CNKSR1: variants seen among roughly 807,000 people sequenced by gnomAD.
CNKSR1 encodes the protein connector enhancer of kinase suppressor of Ras 1, also known as CNK homolog protein 1.
In CNKSR1, 88 loss-of-function variants were observed where a neutral mutation model predicts 95.6. That is an observed-to-expected ratio of 0.92 (90% confidence interval 0.78 to 1.10). The LOEUF (loss-of-function observed/expected upper bound fraction) is 1.10, where lower values mean the gene tolerates loss of function less well. Ranked by LOEUF, CNKSR1 falls within the 50% of genes least tolerant of loss-of-function variation. CNKSR1 has a pLI of 0.00. For synonymous variants in CNKSR1, 355 were observed against 369.7 expected, an observed-to-expected ratio of 0.96 and a Z score of 0.46; for missense variants, 836 against 912.0, an observed-to-expected ratio of 0.92 and a Z score of 1.07.
At position 26,184,201 on chromosome 1, in the gene CNKSR1, T is replaced by G; in HGVS notation, c.927-13T>G. ...AGACCGTGGGCTCATCTCATCCCCC[T>G]TGCCCTCCCCAGGGCCCCATCTGAA... On this transcript the variant is annotated splice_polypyrimidine_tract_variant and intron_variant, in intron 10 of 20. Transcript: ENST00000361530. The G allele has an allele frequency of 6.2e-7, 1 of 1,612,554 alleles. No homozygotes were observed. The highest frequency in any genetic ancestry group is 8.5e-7 in the Non-Finnish European group (1 of 1,179,408).
intron 2 of CNKSR1, 30 bp from the exon 3 acceptor site, chr1:26,180,685 G>A: frequency 6.2e-7 from 1 of 1,614,018 alleles, no homozygotes. Flanking sequence ...GCTGCTGCCA[G>A]GGAGGTGACT....
chr1:26,188,190 C>T (rs2088789777), intron 16 of CNKSR1, 44 bp from the exon 17 acceptor site: 1 of 1,546,412 alleles, frequency 6.5e-7, no homozygotes, highest in African/African-American at 1.4e-5. Context: ...TACAAGAGGG[C>T]CCCAGTGGAT....
intron 14 of CNKSR1, among the ~76,000 whole-genome samples, chr1:26,186,710 A>G (rs776059469): frequency 1.1e-4 from 17 of 151,724 alleles, no homozygotes; most frequent in Non-Finnish European, 2.1e-4. Flanking sequence ...TCCTGACCTC[A>G]TGATCTGCCC....
chr1:26,188,889 G>C lies in CNKSR1; in HGVS notation c.1808G>C (p.Arg603Pro). Reference protein sequence around the residue: ...QEQWRSSFMRRNRDPQLNERV... With the variant: ...QEQWRSSFMRPNRDPQLNERV... ...CAGTGGCGGAGCTCTTTCATGCGGC[G>C]CAACCGAGACCCTCAGCTCAATGAG... Residue 603 changes from arginine (R) to proline (P), a missense_variant, in exon 20 of 21, where the codon CGC (arginine) becomes CCC (proline). Arg to Pro is a moderately radical substitution (Grantham distance 103, BLOSUM62 -2). Coordinates refer to ENST00000361530, the MANE Select transcript of CNKSR1 (RefSeq NM_006314.3). 6.2e-7 allele frequency: 1 copy of C among 1,613,592 alleles called. No individual in the cohort carries two copies. The highest frequency in any genetic ancestry group is 8.5e-7 in the Non-Finnish European group (1 of 1,179,934).
chr1:26,187,505 C>G, intron 16 of CNKSR1, 23 bp downstream of exon 16: 5 of 1,612,192 alleles, frequency 3.1e-6, no homozygotes, highest in Non-Finnish European at 3.4e-6. Flanking sequence ...TCCCTTAGCC[C>G]CTACTCTCAT....
In CNKSR1 at chr1:26,180,619, A is replaced by C; in HGVS notation, c.210+9A>C. ...AACAGCTCCAGGCCCTGGTGAGTGAATGCTGGTCACACTGGCTGCAGCTTC... is the reference window on the plus strand; with the variant it reads ...AACAGCTCCAGGCCCTGGTGAGTGACTGCTGGTCACACTGGCTGCAGCTTC... On this transcript the variant is annotated intron_variant, in intron 2 of 20. Coordinates refer to ENST00000361530, the MANE Select transcript of CNKSR1 (RefSeq NM_006314.3). 7 of 1,614,162 alleles carry C rather than the reference A, an allele frequency of 4.3e-6. No individual in the cohort carries two copies. The highest frequency in any genetic ancestry group is 5.9e-6 in the Non-Finnish European group (7 of 1,180,020).
rs766297413 is a variant in CNKSR1, at chr1:26,180,466, C to T, written c.66C>T (p.Ser22=). The change falls in exon 2 of 21, where the codon TCC becomes TCT. Residue 22 remains serine (S), a synonymous_variant. Coordinates refer to ENST00000361530, the MANE Select transcript of CNKSR1 (RefSeq NM_006314.3). Reference sequence around the variant, plus strand: ...CTCTCCCTCCAGGTCTTGACGACTCCCTGCAGGACTATCCCTTTGAGGACT... The same window carrying T: ...CTCTCCCTCCAGGTCTTGACGACTCTCTGCAGGACTATCCCTTTGAGGACT... The part of the protein sequence containing the change: ...VATWLRGLDD[S]LQDYPFEDWQ... 1.2e-6 allele frequency: 2 copies of T among 1,614,052 alleles called. No homozygotes were observed. Among genetic ancestry groups the T allele is most frequent in the East Asian group, 4.5e-5 (2 of 44,886 alleles).
chr1:26,180,980 T>G lies in CNKSR1; in HGVS notation c.392+84T>G, dbSNP rs1442704403. 2.6e-6 allele frequency: 4 copies of G among 1,553,854 alleles called. No individual in the cohort carries two copies. In the African/African-American group the frequency reaches 5.4e-5, roughly 21 times the overall value. On this transcript the variant is annotated intron_variant, in intron 3 of 20. Coordinates refer to ENST00000361530, the MANE Select transcript of CNKSR1 (RefSeq NM_006314.3). Reference sequence around the variant, plus strand: ...GTGGGAGAGAAAAACAGATCTTGGCTCTTGTTCAGATATGGTGAGCCAGGC... The same window carrying G: ...GTGGGAGAGAAAAACAGATCTTGGCGCTTGTTCAGATATGGTGAGCCAGGC...
At chr1:26,186,392 C>A (rs1171586062) in intron 14 of CNKSR1, among the ~76,000 whole-genome samples, 2 of 152,196 alleles carry the variant, frequency 1.3e-5, no homozygotes, top group Admixed American at 1.3e-4. Context: ...CCTCAGCCTC[C>A]CAGGTTCAAG....
In CNKSR1 at chr1:26,182,004, T is replaced by C. The variant is rs1311839847; in HGVS notation, c.477+63T>C. 9 of 1,442,486 alleles carry C rather than the reference T, an allele frequency of 6.2e-6. No individual in the cohort carries two copies. The African/African-American group carries it at 1.1e-4, about 18-fold the overall frequency. 89.4% of individuals were successfully genotyped at this position (1,442,486 alleles called of 1,614,324 possible). A position where few individuals can be genotyped will look rare whatever the true frequency, so the allele number is the denominator to read the frequency against. On this transcript the variant is annotated intron_variant, in intron 4 of 20. Coordinates refer to ENST00000361530, the MANE Select transcript of CNKSR1 (RefSeq NM_006314.3). Reference sequence around the variant, plus strand: ...GAGACCAAGCTGGGCTAGAGCTTTTTATAACCTGTGAATCAGCCCAGGATC... The same window carrying C: ...GAGACCAAGCTGGGCTAGAGCTTTTCATAACCTGTGAATCAGCCCAGGATC...
At position 26,188,508 on chromosome 1, in the gene CNKSR1, G is replaced by A. The variant is rs1335039147; in HGVS notation, c.1590+5G>A. On this transcript the variant is annotated splice_donor_5th_base_variant and intron_variant, in intron 18 of 20. Transcript: ENST00000361530. ...GCTGGGTCCCACTCAGCCTCGGTGA[G>A]TGGGGGGCTGCCGGGGGTAGGAGGT... 6.2e-7 allele frequency: 1 copy of A among 1,602,606 alleles called. No homozygotes were observed. The highest frequency in any genetic ancestry group is 1.3e-5 in the African/African-American group (1 of 74,772).
At chr1:26,182,034 A>G (rs746627686) in intron 4 of CNKSR1, 93 bp downstream of exon 4, 11 of 1,216,238 alleles carry the variant, frequency 9.0e-6, no homozygotes, top group Non-Finnish European at 1.3e-5. Flanking sequence ...AGGATCGAGT[A>G]TGAGGATTGA....
chr1:26,182,180 G>T (rs1310078396), intron 4 of CNKSR1, 181 bp from the exon 5 acceptor site: 4 of 718,020 alleles, frequency 5.6e-6, no homozygotes, highest in East Asian at 5.3e-5. Flanking sequence ...ACTTCTGGGG[G>T]CCTGGTATCA....
chr1:26,178,202 C>T (rs1167265928), intron 1 of CNKSR1, among the ~76,000 whole-genome samples: 1 of 152,154 alleles, frequency 6.6e-6, no homozygotes, highest in African/African-American at 2.4e-5. Flanking sequence ...CCTGACAGGC[C>T]CACACCCACT....
chr1:26,189,589 C>T lies in CNKSR1; in HGVS notation c.*41C>T, dbSNP rs757213488. 6 of 971,916 alleles carry T rather than the reference C, an allele frequency of 6.2e-6. No homozygotes were observed. In the East Asian group the frequency reaches 7.1e-5, roughly 12 times the overall value. 60.2% of individuals were successfully genotyped at this position (971,916 alleles called of 1,614,324 possible). ...TAGCTCCTGACCTTTGACCCGAGGG[C>T]CACCTCAACCCCAGCTTCTGACGTG... On this transcript the variant is annotated 3_prime_UTR_variant, in exon 21 of 21. Transcript: ENST00000361530.
intron 4 of CNKSR1, 132 bp downstream of exon 4, chr1:26,182,073 C>T: frequency 2.2e-6 from 2 of 919,460 alleles, no homozygotes; most frequent in Non-Finnish European, 3.5e-6. Flanking sequence ...AGAGGAGGCC[C>T]TGCCACTGGG....
In CNKSR1 at chr1:26,188,521, G is replaced by A. The variant is rs370887056; in HGVS notation, c.1590+18G>A. The A allele has an allele frequency of 1.5e-5, 24 of 1,602,684 alleles. No homozygotes were observed. The highest frequency in any genetic ancestry group is 5.4e-5 in the African/African-American group (4 of 74,714). On this transcript the variant is annotated intron_variant, in intron 18 of 20. Transcript: ENST00000361530. ...CAGCCTCGGTGAGTGGGGGGCTGCC[G>A]GGGGTAGGAGGTGGGGATAAACAAC...
chr1:26,188,021 A>ACCGC (rs2088786032), intron 16 of CNKSR1, among the ~76,000 whole-genome samples: 1 of 152,002 alleles, frequency 6.6e-6, no homozygotes, highest in African/African-American at 2.4e-5. Flanking sequence ...TCAGCTTCCC[A>ACCGC]AAGTGCTGGG....
At chr1:26,182,236 G>A in intron 4 of CNKSR1, 125 bp from the exon 5 acceptor site, 1 of 1,005,568 alleles carries the variant, frequency 9.9e-7, no homozygotes, top group Non-Finnish European at 1.5e-6. Context: ...TGTGGTTCTG[G>A]GCAGGGGGCC....
Sources: gnomAD v4.1 joint callset for allele counts (sites outside exome capture counted in the v4.1 genomes callset) on GRCh38, gnomAD v4.1.1 for gene constraint, MANE v1.5 for transcripts, NCBI Gene and HGNC (gene_info 2026-07-23, HGNC 2026-07-21) for gene names.